The following RABGEF1 variants were observed in gnomAD, a reference collection of about 807,000 sequenced individuals.
RABGEF1 encodes rab5 GDP/GTP exchange factor.
RABGEF1 carries 26 observed loss-of-function variants against 57.3 expected under a neutral mutation model. The ratio of observed to expected loss-of-function variants is 0.45; its 90% CI spans 0.33 to 0.63. The LOEUF is 0.63. Ranked by LOEUF, RABGEF1 falls within the 20% of genes least tolerant of loss-of-function variation. The pLI, the probability that RABGEF1 is intolerant of heterozygous loss-of-function variation, is 0.02. For synonymous variants in RABGEF1, 185 were observed against 210.7 expected (o/e 0.88, Z 1.06); for missense variants, 464 against 607.6 (o/e 0.76, Z 2.48).
intron 3 of RABGEF1, among the ~76,000 whole-genome samples, chr7:66,776,228 A>G (rs1808500230): frequency 6.6e-6 from 1 of 152,162 alleles, no homozygotes; most frequent in Non-Finnish European, 1.5e-5. Flanking sequence ...CCCAGTTCCT[A>G]CCCTGGGGTA....
intron 1 of RABGEF1, among the ~76,000 whole-genome samples, chr7:66,763,745 G>C (rs10252765): frequency 0.5 from 76,320 of 152,068 alleles, 20,072 homozygotes; most frequent in East Asian, 0.74. Context: ...AATGTGTGGT[G>C]TTCTATAACT....
intron 3 of RABGEF1, among the ~76,000 whole-genome samples, chr7:66,776,469 G>A (rs551475470): frequency 6.6e-6 from 1 of 152,300 alleles, no homozygotes; most frequent in South Asian, 2.1e-4. Context: ...AAGACAGATG[G>A]ATTACCTGAG....
At chr7:66,683,132 A>G (rs1790041266) in intron 1 of RABGEF1, among the ~76,000 whole-genome samples, 1 of 151,984 alleles carries the variant, frequency 6.6e-6, no homozygotes, top group Non-Finnish European at 1.5e-5. Flanking sequence ...TAAATCTAAA[A>G]CTGCTTTGTT....
intron 1 of RABGEF1, among the ~76,000 whole-genome samples, chr7:66,687,244 G>A (rs1190628593): frequency 6.7e-6 from 1 of 150,302 alleles, no homozygotes; most frequent in African/African-American, 2.4e-5. Context: ...TCCTGCCTCG[G>A]CCCCCCAGTA....
At chr7:66,755,798 C>T (rs1194842601) in intron 1 of RABGEF1, 1 of 356,426 alleles carries the variant, frequency 2.8e-6, no homozygotes, top group African/African-American at 2.1e-5. Flanking sequence ...GTCTAGAACT[C>T]ATTCCTTGAG....
At chr7:66,802,707 A>G (rs556094078) in intron 7 of RABGEF1, among the ~76,000 whole-genome samples, 161 of 152,368 alleles carry the variant, frequency 1.1e-3, no homozygotes, top group African/African-American at 3.6e-3. Flanking sequence ...GGGTCTCTGC[A>G]GGATGAAGCA....
intron 1 of RABGEF1, among the ~76,000 whole-genome samples, chr7:66,748,139 T>A (rs1800655263): frequency 6.6e-6 from 1 of 152,230 alleles, no homozygotes; most frequent in Non-Finnish European, 1.5e-5. Context: ...CTTTCCAGCA[T>A]GCGTTTCAAA....
At chr7:66,669,110 T>G in the RABGEF1 span, 4 of 152,490 alleles carry the variant, frequency 2.6e-5, no homozygotes, top group Non-Finnish European at 5.9e-5. Flanking sequence ...TCCTCTTGTC[T>G]TCTTTCCTTG....
At chr7:66,780,553 A>G (rs890693202) in intron 3 of RABGEF1, among the ~76,000 whole-genome samples, 1 of 152,224 alleles carries the variant, frequency 6.6e-6, no homozygotes, top group African/African-American at 2.4e-5. Flanking sequence ...AGAGTCAGAT[A>G]GGTCAAGTTG....
chr7:66,775,343 C>T lies in RABGEF1; in HGVS notation c.296C>T (p.Thr99Ile), dbSNP rs535125791. The stretch of plus-strand genomic sequence containing the variant: ...ACCAACGAGAAGACCCGCAAGGTTA[C>T]CACAGTGAAGAAATTCTTCAGTGCA... ...KKTNEKTRKV[T>I]TVKKFFSASS... The change falls in exon 3 of 9, where the codon ACC (threonine) becomes ATC (isoleucine). Residue 99 changes from threonine (T) to isoleucine (I), a missense_variant. Physicochemically the swap from Thr to Ile is moderately conservative, Grantham distance 89. This residue lies in a region of RABGEF1 where 284 missense variants were observed against 389.9 expected (regional missense o/e 0.73). Transcript: ENST00000284957. 6.2e-7 allele frequency: 1 copy of T among 1,613,924 alleles called. No individual in the cohort carries two copies. The highest frequency in any genetic ancestry group is 1.1e-5 in the South Asian group (1 of 91,070).
chr7:66,674,160 C>T, the RABGEF1 span, among the ~76,000 whole-genome samples: 2 of 151,012 alleles, frequency 1.3e-5, no homozygotes, highest in African/African-American at 2.4e-5. Context: ...AGTACTTACT[C>T]GGAAGAAATT....
intron 2 of RABGEF1, among the ~76,000 whole-genome samples, chr7:66,731,509 G>A (rs979372070): frequency 1.3e-5 from 2 of 152,050 alleles, no homozygotes; most frequent in African/African-American, 4.8e-5. Flanking sequence ...TTAAGCACTA[G>A]GAGTTGAGAC....
chr7:66,723,117 C>T (rs967109073), intron 2 of RABGEF1, among the ~76,000 whole-genome samples: 18 of 151,938 alleles, frequency 1.2e-4, no homozygotes, highest in Admixed American at 3.9e-4. Context: ...TAGAGGCAAG[C>T]GCTGCCACGC....
In RABGEF1 at chr7:66,800,644, A is replaced by C. The variant is rs1299896128; in HGVS notation, c.820+1230A>C. Among the ~76,000 whole-genome samples, 3 of 152,222 alleles carry C rather than the reference A, an allele frequency of 2.0e-5. 1 individual carries two copies. Among genetic ancestry groups the C allele is most frequent in the Middle Eastern group, 6.3e-3 (2 of 316 alleles). On this transcript the variant is annotated intron_variant, in intron 7 of 8. Transcript: ENST00000284957. ...AAGGTGGAGGCCTTCTAAAAGCCTG[A>C]ATATGGACCTGGGACTTGTGTTTTT...
At chr7:66,667,011 A>G in the RABGEF1 span, among the ~76,000 whole-genome samples, 23 of 152,188 alleles carry the variant, frequency 1.5e-4, no homozygotes, top group African/African-American at 5.3e-4. Flanking sequence ...GGGAAATCAT[A>G]TGTCCACTCC....
intron 4 of RABGEF1, among the ~76,000 whole-genome samples, chr7:66,789,209 G>A (rs1262390407): frequency 6.6e-6 from 1 of 152,148 alleles, no homozygotes; most frequent in Non-Finnish European, 1.5e-5. Flanking sequence ...ACAGAAGTAT[G>A]TACCCAAAAC....
At position 66,786,460 on chromosome 7, in the gene RABGEF1, A is replaced by G. The variant is rs567021444; in HGVS notation, c.513+2619A>G. Among the ~76,000 whole-genome samples, 5 of 152,136 alleles carry G rather than the reference A, an allele frequency of 3.3e-5. No individual in the cohort carries two copies. The South Asian group carries it at 6.2e-4, about 19-fold the overall frequency. On this transcript the variant is annotated intron_variant, in intron 4 of 8. Transcript: ENST00000284957. ...GCTCTATCTCCTGGACTGGAGCACA[A>G]TAGCGCAGTTGCTGCTCACTGCAGA... is the stretch of plus-strand genomic sequence containing the variant.
chr7:66,754,073 G>T (rs1802127563), intron 1 of RABGEF1, among the ~76,000 whole-genome samples: 1 of 149,282 alleles, frequency 6.7e-6, no homozygotes, highest in African/African-American at 2.5e-5. Context: ...CGCAATCTTG[G>T]CTTACTGCAA....
At chr7:66,691,267 C>T (rs533508999) in intron 1 of RABGEF1, among the ~76,000 whole-genome samples, 4 of 152,220 alleles carry the variant, frequency 2.6e-5, no homozygotes, top group African/African-American at 9.6e-5. Context: ...CTATATATTC[C>T]TAGGCATTTA....
Sources: gnomAD v4.1 joint callset for allele counts (sites outside exome capture counted in the v4.1 genomes callset) on GRCh38, gnomAD v4.1.1 for gene constraint, gnomAD v4.1.1 regional missense constraint, MANE v1.5 for transcripts, NCBI Gene and HGNC (gene_info 2026-07-23, HGNC 2026-07-21) for gene names.